The following ENPP2 variants were observed in gnomAD, a reference collection of about 807,000 sequenced individuals.
The protein encoded by ENPP2 is ectonucleotide pyrophosphatase/phosphodiesterase 2, also known as autotaxin.
Under a neutral mutation model 120.2 loss-of-function variants are expected in ENPP2, and 51 were observed. That is an observed-to-expected ratio of 0.42 (90% CI 0.34 to 0.54). The LOEUF is 0.54. ENPP2 is among the 20% of genes least tolerant of loss of function. ENPP2 has a pLI of 0.04. For synonymous variants in ENPP2, 365 were observed against 366.4 expected (o/e 1.00, Z 0.04); for missense variants, 920 against 1,066.5 (o/e 0.86, Z 1.91).
At chr8:119,629,197 T>C (rs1262084561) in intron 2 of ENPP2, among the ~76,000 whole-genome samples, 2 of 152,066 alleles carry the variant, frequency 1.3e-5, no homozygotes, top group Non-Finnish European at 2.9e-5. Flanking sequence ...GTATAATAGA[T>C]GTGTGTGTGG....
intron 1 of ENPP2, among the ~76,000 whole-genome samples, chr8:119,647,009 T>G: frequency 6.6e-6 from 1 of 151,806 alleles, no homozygotes; most frequent in Non-Finnish European, 1.5e-5. Flanking sequence ...TTTTTTTTTT[T>G]TTTTTTGAGA....
At chr8:119,601,488 T>C (rs1482610703) in intron 9 of ENPP2, 26 bp from the exon 10 acceptor site, 1 of 1,597,914 alleles carries the variant, frequency 6.3e-7, no homozygotes, top group South Asian at 1.1e-5. Flanking sequence ...AAGCAAAGCA[T>C]GTTGTTAGGT....
chr8:119,638,336 T>C (rs952270262), intron 2 of ENPP2, 89 bp downstream of exon 2: 31 of 710,650 alleles, frequency 4.4e-5, no homozygotes, highest in Middle Eastern at 5.3e-4. Context: ...AAGATTGTAT[T>C]AAAAATAAAT....
upstream of ENPP2, among the ~76,000 whole-genome samples, chr8:119,639,985 T>G (rs1817225491): frequency 6.6e-6 from 1 of 152,208 alleles, no homozygotes; most frequent in African/African-American, 2.4e-5. Context: ...GCACATGTGT[T>G]CGTGCGTAAA....
At chr8:119,621,103 A>C (rs1219956664) in intron 4 of ENPP2, among the ~76,000 whole-genome samples, 10 of 152,230 alleles carry the variant, frequency 6.6e-5, no homozygotes, top group Admixed American at 6.5e-4. Context: ...TTCCTGTCTC[A>C]GGATCTGCTT....
At chr8:119,640,080 T>G (rs986406498), upstream of ENPP2, among the ~76,000 whole-genome samples, 1 of 152,156 alleles carries the variant, frequency 6.6e-6, no homozygotes, top group African/African-American at 2.4e-5. Flanking sequence ...AAGCAAAAAC[T>G]TGTTTATAGG....
intron 1 of ENPP2, 22 bp downstream of exon 1, chr8:119,638,726 C>T: frequency 7.2e-7 from 1 of 1,385,130 alleles, no homozygotes. Flanking sequence ...GCATGTCCCC[C>T]GTCATTCCTC....
At chr8:119,593,933 C>T (rs895660744) in intron 11 of ENPP2, 73 bp from the exon 12 acceptor site, 13 of 860,762 alleles carry the variant, frequency 1.5e-5, no homozygotes, top group African/African-American at 5.0e-5. Context: ...AGATCTTCTA[C>T]CCCTAGAACA....
chr8:119,640,264 C>T (rs1057373466), upstream of ENPP2, among the ~76,000 whole-genome samples: 18 of 152,148 alleles, frequency 1.2e-4, no homozygotes, highest in African/African-American at 3.9e-4. Context: ...AAGCCTCTTG[C>T]TTTTGTCTGT....
intron 5 of ENPP2, 43 bp from the exon 6 acceptor site, chr8:119,617,606 G>C (rs1486509473): frequency 2.9e-6 from 4 of 1,378,672 alleles, no homozygotes; most frequent in Non-Finnish European, 4.1e-6. Context: ...ATTATTACCA[G>C]AGTTGCCATT....
intron 9 of ENPP2, among the ~76,000 whole-genome samples, 200 bp downstream of exon 9, chr8:119,607,722 G>C (rs531172374): frequency 6.6e-6 from 1 of 151,948 alleles, no homozygotes; most frequent in South Asian, 2.1e-4. Flanking sequence ...AGGAGAGCTG[G>C]AGGACAAAAA....
intron 14 of ENPP2, 63 bp from the exon 15 acceptor site, chr8:119,586,376 C>A (rs1813113447): frequency 6.6e-7 from 1 of 1,523,482 alleles, no homozygotes; most frequent in African/African-American, 1.4e-5. Context: ...CTTACAAATT[C>A]TCTCTCTAGA....
rs996813387 is a variant in ENPP2, at chr8:119,638,596, A to T, written c.34-69T>A. ...GACTAAATCAAATTACACAAAGGTGATTCAAATGGCTTCAATATCAACACC... is the reference window on the plus strand; with the variant it reads ...GACTAAATCAAATTACACAAAGGTGTTTCAAATGGCTTCAATATCAACACC... On this transcript the variant is annotated intron_variant, in intron 1 of 24. Coordinates refer to ENST00000075322, the MANE Select transcript of ENPP2 (RefSeq NM_001040092.3). 5.6e-5 allele frequency: 61 copies of T among 1,082,748 alleles called. No individual in the cohort carries two copies. The African/African-American group carries it at 7.9e-4, about 14-fold the overall frequency. The allele number at this position is 1,082,748 out of a possible 1,614,324, so 67.1% of individuals were successfully genotyped here.
At chr8:119,560,939 A>G (rs1263675422) in intron 24 of ENPP2, among the ~76,000 whole-genome samples, 2 of 152,172 alleles carry the variant, frequency 1.3e-5, no homozygotes, top group Non-Finnish European at 2.9e-5. Context: ...TAGAAATAAT[A>G]TATGTAGAGG....
At chr8:119,644,651 T>TGG (rs1817389478) in intron 1 of ENPP2, among the ~76,000 whole-genome samples, 1 of 104,648 alleles carries the variant, frequency 9.6e-6, no homozygotes, top group Non-Finnish European at 1.9e-5. Flanking sequence ...CACACACATA[T>TGG]AGATATATAT....
intron 12 of ENPP2, among the ~76,000 whole-genome samples, chr8:119,591,610 G>C (rs751520106): frequency 2.0e-5 from 3 of 152,080 alleles, no homozygotes; most frequent in Non-Finnish European, 4.4e-5. Flanking sequence ...TTTATATCCT[G>C]TAAAGGATGC....
chr8:119,644,464 T>G (rs1314559642), intron 1 of ENPP2, among the ~76,000 whole-genome samples: 1 of 151,330 alleles, frequency 6.6e-6, no homozygotes, highest in Non-Finnish European at 1.5e-5. Flanking sequence ...TTCTTTTCAA[T>G]TAGATCATAA....
intron 2 of ENPP2, among the ~76,000 whole-genome samples, chr8:119,629,224 A>G (rs1816490866): frequency 6.6e-6 from 1 of 152,120 alleles, no homozygotes; most frequent in African/African-American, 2.4e-5. Context: ...ATATATATGT[A>G]CAAAATATAT....
intron 1 of ENPP2, among the ~76,000 whole-genome samples, chr8:119,655,383 T>C (rs1373658940): frequency 6.6e-6 from 1 of 152,222 alleles, no homozygotes; most frequent in Non-Finnish European, 1.5e-5. Flanking sequence ...TATGTTGCCC[T>C]GCTAAGCTTC....
Sources: allele counts gnomAD v4.1 joint callset (sites outside exome capture counted in the v4.1 genomes callset), GRCh38; gene constraint gnomAD v4.1.1; transcripts MANE v1.5; gene names NCBI Gene and HGNC (gene_info 2026-07-23, HGNC 2026-07-21).